BMP1: variants seen among roughly 807,000 people sequenced by gnomAD.
The protein encoded by BMP1 is mammalian tolloid protein.
A neutral mutation model predicts 116.8 loss-of-function variants in BMP1; 63 were observed. The ratio of observed to expected loss-of-function variants is 0.54; its 90% CI spans 0.44 to 0.67. BMP1 has a LOEUF of 0.67. Ranked by LOEUF, BMP1 falls within the 30% of genes least tolerant of loss-of-function variation. BMP1 has a pLI of 0.00. For synonymous variants in BMP1, 536 were observed against 533.4 expected (o/e 1.00, Z -0.07); for missense variants, 1,183 against 1,358.9 (o/e 0.87, Z 2.04).
In BMP1 at chr8:22,212,104, T is replaced by C. The variant is rs914007604; in HGVS notation, c.*376T>C. ...GGGGGCATTATTTTCATTGTAATGT[T>C]CATTTCCCACCCCTGCTCCAGCCTC... On this transcript the variant is annotated 3_prime_UTR_variant, in exon 20 of 20. Coordinates refer to ENST00000306385, the MANE Select transcript of BMP1 (RefSeq NM_006129.5). 1 of 217,264 alleles carries C rather than the reference T, an allele frequency of 4.6e-6. No individual in the cohort carries two copies. The highest frequency in any genetic ancestry group is 2.2e-5 in the African/African-American group (1 of 44,958). The allele number at this position is 217,264 out of a possible 1,614,324, so 13.5% of individuals were successfully genotyped here. A position where few individuals can be genotyped will look rare whatever the true frequency, so the allele number is the denominator to read the frequency against.
rs902170567 is a variant in BMP1 at position 22,176,851 on chromosome 8, C to T, written c.552-110C>T. 3.2e-5 allele frequency: 33 copies of T among 1,028,628 alleles called. No homozygotes were observed. In the African/African-American group the frequency reaches 4.9e-4, roughly 15 times the overall value. The allele number at this position is 1,028,628 out of a possible 1,614,324, so 63.7% of individuals were successfully genotyped here. A position where few individuals can be genotyped will look rare whatever the true frequency, so the allele number is the denominator to read the frequency against. ...TGGGCACTCGGTGCTCAGGGCCCAC[C>T]CCTCCCCTTCGCTCCCCTGCCGCCC... On this transcript the variant is annotated intron_variant, in intron 4 of 19. Coordinates refer to ENST00000306385, the MANE Select transcript of BMP1 (RefSeq NM_006129.5).
At chr8:22,187,903 A>G (rs1828822012) in intron 8 of BMP1, among the ~76,000 whole-genome samples, 1 of 152,136 alleles carries the variant, frequency 6.6e-6, no homozygotes, top group Non-Finnish European at 1.5e-5. Flanking sequence ...TCTTAGAAAT[A>G]AGGACACGGA....
chr8:22,194,791 C>T lies in BMP1; in HGVS notation c.1511C>T (p.Thr504Ile). The T allele has an allele frequency of 1.2e-6, 2 of 1,613,986 alleles. No homozygotes were observed. The highest frequency in any genetic ancestry group is 1.7e-6 in the Non-Finnish European group (2 of 1,179,940). Residue 504 changes from threonine to isoleucine, a missense_variant, in exon 12 of 20, where the codon ACC becomes ATC. Transcript: ENST00000306385. This position sits in a 1 kb window ranked among gnomAD's most constrained non-coding sequence, Gnocchi z 4.5. ...CGCGACGGGCACAGTGAGAGCAGCA[C>T]CCTCATCGGGCGCTACTGTGGCTAT... ...EVRDGHSESSTLIGRYCGYEK... is the reference protein window; with the variant it reads ...EVRDGHSESSILIGRYCGYEK...
chr8:22,205,463 C>T (rs1006444194), intron 16 of BMP1, among the ~76,000 whole-genome samples: 3 of 152,122 alleles, frequency 2.0e-5, no homozygotes, highest in African/African-American at 7.2e-5. Flanking sequence ...AAGATCAAGA[C>T]CCTGGAGGTC....
intron 1 of BMP1, among the ~76,000 whole-genome samples, chr8:22,169,076 G>C (rs1277941158): frequency 6.6e-6 from 1 of 152,030 alleles, no homozygotes; most frequent in Non-Finnish European, 1.5e-5. Flanking sequence ...GGCTTAGCTG[G>C]GAGGAGTTGG....
chr8:22,205,724 A>G (rs116535180), intron 16 of BMP1, among the ~76,000 whole-genome samples: 210 of 152,282 alleles, frequency 1.4e-3, no homozygotes, highest in African/African-American at 5.0e-3. Flanking sequence ...ATGGTGAGCT[A>G]TGATCGCACT....
At chr8:22,211,538 G>A in intron 19 of BMP1, 56 bp from the exon 20 acceptor site, 1 of 1,609,830 alleles carries the variant, frequency 6.2e-7, no homozygotes, top group East Asian at 2.2e-5. Context: ...TGGGGAGGCA[G>A]GACAGCAGCC....
At chr8:22,189,505 A>G (rs965829291) in intron 8 of BMP1, among the ~76,000 whole-genome samples, 30 of 150,800 alleles carry the variant, frequency 2.0e-4, no homozygotes, top group South Asian at 6.3e-4. Context: ...TAATAAAACC[A>G]AATTTCCATT....
intron 18 of BMP1, among the ~76,000 whole-genome samples, chr8:22,208,073 A>G (rs1021086442): frequency 6.6e-6 from 1 of 151,950 alleles, no homozygotes; most frequent in Non-Finnish European, 1.5e-5. Context: ...TAGTAGAGAC[A>G]GGGTTTCGCC....
At chr8:22,210,468 T>TCTCTCTCTCTCTCTCTCTCACACA (rs10664439) in intron 19 of BMP1, among the ~76,000 whole-genome samples, 5 of 135,498 alleles carry the variant, frequency 3.7e-5, no homozygotes, top group African/African-American at 1.5e-4. Context: ...TCTCTCTCTC[T>TCTCTCTCTCTCTCTCTCTCACACA]CACACACATA....
chr8:22,165,568 G>GC lies in BMP1; in HGVS notation c.148+21dup, dbSNP rs747098694. The GC allele has an allele frequency of 7.0e-6, 11 of 1,570,882 alleles. No individual in the cohort carries two copies. In the Admixed American group the frequency reaches 9.4e-5, roughly 13 times the overall value. On this transcript the variant is annotated intron_variant, in intron 1 of 19. Coordinates refer to ENST00000306385, the MANE Select transcript of BMP1 (RefSeq NM_006129.5). ...CTGCAAGGCGGGTGAGCGCCCCCCG[G>GC]CCCCCCGGCGACGGGCCAGGCGGGG...
In BMP1 at chr8:22,184,407, T is replaced by G. The variant is rs367571061; in HGVS notation, c.1077+3924T>G. On this transcript the variant is annotated intron_variant, in intron 8 of 19. Coordinates refer to ENST00000306385, the MANE Select transcript of BMP1 (RefSeq NM_006129.5). ...ATTCCCAGAGGACTCCTGTCCTTTT[T>G]TTCAGAAGCTTGCCTGGAGCTGCAG... Among the ~76,000 whole-genome samples the G allele has an allele frequency of 2.6e-5, 4 of 152,362 alleles. No individual in the cohort carries two copies. In the East Asian group the frequency reaches 5.8e-4, roughly 22 times the overall value.
intron 1 of BMP1, chr8:22,171,340 A>G (rs1586434274): frequency 6.6e-6 from 1 of 152,322 alleles, no homozygotes; most frequent in East Asian, 1.9e-4. Context: ...GCTCTGCAAG[A>G]GCATGGTGTG....
rs775440656 is a variant in BMP1, at chr8:22,196,831, G to A, written c.1917G>A (p.Glu639=). ...TGCAGTTTGACTTCTTTGAGACAGA[G>A]GGCAATGATGTAAGTGCCCACCAGG... is the stretch of plus-strand genomic sequence containing the variant. ...ISLQFDFFET[E]GNDVCKYDFV... Residue 639 remains glutamate, a synonymous_variant, in exon 14 of 20, where the codon GAG becomes GAA. Transcript: ENST00000306385. 9 of 1,613,182 alleles carry A rather than the reference G, an allele frequency of 5.6e-6. No individual in the cohort carries two copies. In the Middle Eastern group the frequency reaches 8.3e-4, roughly 148 times the overall value.
chr8:22,180,660 G>A lies in BMP1; in HGVS notation c.1077+177G>A, dbSNP rs142953435. 3.4e-4 allele frequency among the ~76,000 whole-genome samples: 51 copies of A among 152,208 alleles called. No homozygotes were observed. In the East Asian group the frequency reaches 7.2e-3, roughly 21 times the overall value. ...TAGGAAGGGGCTCCTGGCATTCACC[G>A]CCTTCCCTGGCATCTCCCAATAATT... On this transcript the variant is annotated intron_variant, in intron 8 of 19. Coordinates refer to ENST00000306385, the MANE Select transcript of BMP1 (RefSeq NM_006129.5).
intron 15 of BMP1, 178 bp from the exon 16 acceptor site, chr8:22,201,625 C>G (rs1829265219): frequency 7.4e-7 from 1 of 1,349,334 alleles, no homozygotes; most frequent in Admixed American, 2.7e-5. Flanking sequence ...GGATGCAGTG[C>G]CCCTTTGGAC....
intron 13 of BMP1, 127 bp downstream of exon 13, chr8:22,195,714 T>C: frequency 7.4e-7 from 1 of 1,347,748 alleles, no homozygotes; most frequent in Non-Finnish European, 1.0e-6. Flanking sequence ...TGGCTCAATC[T>C]TAGCTCACCA....
intron 8 of BMP1, among the ~76,000 whole-genome samples, chr8:22,181,433 G>T (rs1828617145): frequency 6.6e-6 from 1 of 152,138 alleles, no homozygotes; most frequent in South Asian, 2.1e-4. Context: ...TGTGGGGAGG[G>T]CCCCCGAGCC....
intron 15 of BMP1, chr8:22,201,421 CTG>C: frequency 7.0e-7 from 1 of 1,425,858 alleles, no homozygotes; most frequent in Non-Finnish European, 9.1e-7. Context: ...TTGATGGTGT[CTG>C]TGACATTTCC....
Sources: allele counts gnomAD v4.1 joint callset (sites outside exome capture counted in the v4.1 genomes callset), GRCh38; gene constraint gnomAD v4.1.1; non-coding constraint Gnocchi (gnomAD v3.1); transcripts MANE v1.5; gene names NCBI Gene and HGNC (gene_info 2026-07-23, HGNC 2026-07-21).